The following TNR variants were observed in gnomAD, a reference collection of about 807,000 sequenced individuals.
TNR encodes the protein tenascin-R.
TNR carries 45 observed loss-of-function variants against 150.4 expected under a neutral mutation model. That is an observed-to-expected ratio of 0.30 (90% CI 0.24 to 0.38). The LOEUF (loss-of-function observed/expected upper bound fraction) is 0.38, where lower values mean the gene tolerates loss of function less well. TNR is among the 10% of genes least tolerant of loss of function. TNR has a pLI of 1.00. For synonymous variants in TNR, 687 were observed against 678.4 expected, an observed-to-expected ratio of 1.01 and a Z score of -0.20; for missense variants, 1,544 against 1,759.1, an observed-to-expected ratio of 0.88 and a Z score of 2.19.
chr1:175,339,533 C>T (rs1650416191), intron 18 of TNR, among the ~76,000 whole-genome samples: 1 of 152,174 alleles, frequency 6.6e-6, no homozygotes, highest in Admixed American at 6.5e-5. Context: ...GATTTGGGAG[C>T]ACTGCTATTA....
At chr1:175,634,009 G>T (rs1558047096) in intron 1 of TNR, among the ~76,000 whole-genome samples, 1 of 79,756 alleles carries the variant, frequency 1.3e-5, no homozygotes, top group Non-Finnish European at 2.3e-5. Context: ...TGATGATGAT[G>T]ATGACGATGA....
chr1:175,730,172 G>A (rs1050476721), intron 1 of TNR, among the ~76,000 whole-genome samples: 3 of 152,044 alleles, frequency 2.0e-5, no homozygotes, highest in African/African-American at 7.3e-5. Flanking sequence ...CACGTTTCTC[G>A]GTTACCTTCC....
At chr1:175,446,910 A>C (rs1328437061) in intron 2 of TNR, among the ~76,000 whole-genome samples, 2 of 152,184 alleles carry the variant, frequency 1.3e-5, no homozygotes, top group Non-Finnish European at 2.9e-5. Flanking sequence ...TGTAATGGGC[A>C]TGCATGTATG....
chr1:175,686,854 T>A (rs1011692992), intron 1 of TNR, among the ~76,000 whole-genome samples: 1 of 152,214 alleles, frequency 6.6e-6, no homozygotes, highest in South Asian at 2.1e-4. Flanking sequence ...TATTCCATGG[T>A]GTACATGTCC....
At chr1:175,383,875 T>C (rs1429614561) in intron 8 of TNR, among the ~76,000 whole-genome samples, 1 of 152,140 alleles carries the variant, frequency 6.6e-6, no homozygotes, top group Non-Finnish European at 1.5e-5. Flanking sequence ...GAGGGGAGCA[T>C]ATTTGAGGTG....
At chr1:175,543,224 G>C (rs558881127) in intron 1 of TNR, among the ~76,000 whole-genome samples, 1 of 152,142 alleles carries the variant, frequency 6.6e-6, no homozygotes, top group Non-Finnish European at 1.5e-5. Flanking sequence ...TCCCAGGGGG[G>C]AGCAGAAAAG....
intron 1 of TNR, among the ~76,000 whole-genome samples, chr1:175,594,883 G>A (rs1662947339): frequency 7.0e-6 from 1 of 143,758 alleles, no homozygotes; most frequent in Admixed American, 6.9e-5. Flanking sequence ...AAAAATTATT[G>A]GCTGGGCATG....
intron 1 of TNR, among the ~76,000 whole-genome samples, chr1:175,546,275 C>A (rs1355597716): frequency 1.3e-5 from 2 of 152,078 alleles, no homozygotes; most frequent in African/African-American, 4.8e-5. Context: ...AATGAGTTAC[C>A]CAGGGTAATG....
At chr1:175,556,969 C>T (rs147335417) in intron 1 of TNR, among the ~76,000 whole-genome samples, 1 of 152,244 alleles carries the variant, frequency 6.6e-6, no homozygotes, top group African/African-American at 2.4e-5. Context: ...TGGCAGACTC[C>T]CTCCCTTGAT....
At chr1:175,639,265 T>C (rs777668920) in intron 1 of TNR, among the ~76,000 whole-genome samples, 4 of 152,198 alleles carry the variant, frequency 2.6e-5, no homozygotes, top group Non-Finnish European at 5.9e-5. Context: ...GTCTGAGCAA[T>C]GTAGAAGGGA....
chr1:175,344,178 T>A (rs10798388), intron 18 of TNR, among the ~76,000 whole-genome samples: 73,542 of 152,038 alleles, frequency 0.48, 19,818 homozygotes, highest in East Asian at 0.77. Flanking sequence ...TGTGGCTAAC[T>A]AAAGGCTGGG....
chr1:175,520,613 G>A (rs1659598808), intron 2 of TNR, among the ~76,000 whole-genome samples: 1 of 152,090 alleles, frequency 6.6e-6, no homozygotes, highest in African/African-American at 2.4e-5. Context: ...GCTGCTCCAG[G>A]CCACATAGCC....
intron 1 of TNR, among the ~76,000 whole-genome samples, chr1:175,706,249 C>A (rs965898102): frequency 6.6e-6 from 1 of 152,110 alleles, no homozygotes; most frequent in African/African-American, 2.4e-5. Flanking sequence ...AAATTAAGCA[C>A]CAAATATCAG....
At chr1:175,488,102 G>A (rs769755911) in intron 2 of TNR, among the ~76,000 whole-genome samples, 3 of 152,204 alleles carry the variant, frequency 2.0e-5, no homozygotes, top group Non-Finnish European at 4.4e-5. Context: ...AAACTGTGAG[G>A]TAGGGTGCAA....
chr1:175,596,844 A>G (rs1412739576), intron 1 of TNR, among the ~76,000 whole-genome samples: 1 of 152,190 alleles, frequency 6.6e-6, no homozygotes, highest in East Asian at 1.9e-4. Context: ...GTAAGCAGAC[A>G]AAGTGTGCTT....
chr1:175,368,755 G>C (rs1283891453), intron 9 of TNR, among the ~76,000 whole-genome samples: 1 of 152,160 alleles, frequency 6.6e-6, no homozygotes, highest in Non-Finnish European at 1.5e-5. Flanking sequence ...TTCGAGACCA[G>C]CCTGACCAAT....
intron 5 of TNR, among the ~76,000 whole-genome samples, chr1:175,395,860 T>C (rs1653401581): frequency 6.6e-6 from 1 of 152,174 alleles, no homozygotes. Flanking sequence ...AAAATATAGG[T>C]ACACACCCAC....
At position 175,320,128 on chromosome 1, in the gene TNR, G is replaced by C. The variant is rs894305378; in HGVS notation, c.*3229C>G. 5 of 152,412 alleles carry C rather than the reference G, an allele frequency of 3.3e-5. No individual in the cohort carries two copies. The highest frequency in any genetic ancestry group is 1.3e-4 in the Admixed American group (2 of 15,298). The allele number at this position is 152,412 out of a possible 1,614,324, so 9.4% of individuals were successfully genotyped here. On this transcript the variant is annotated 3_prime_UTR_variant, in exon 23 of 23. Coordinates refer to ENST00000367674, the MANE Select transcript of TNR (RefSeq NM_003285.3). ...CTGTAGTTAAACAGCCTCTGAGAAGGGTCTACCTCGATTCCTTTTGAGTCC... is the reference window on the plus strand; with the variant it reads ...CTGTAGTTAAACAGCCTCTGAGAAGCGTCTACCTCGATTCCTTTTGAGTCC...
At chr1:175,462,524 T>C (rs1272580133) in intron 2 of TNR, among the ~76,000 whole-genome samples, 1 of 152,216 alleles carries the variant, frequency 6.6e-6, no homozygotes, top group Non-Finnish European at 1.5e-5. Flanking sequence ...ATGCACAATT[T>C]AATAATATAC....
Sources: allele counts gnomAD v4.1 joint callset (sites outside exome capture counted in the v4.1 genomes callset), GRCh38; gene constraint gnomAD v4.1.1; transcripts MANE v1.5; gene names NCBI Gene and HGNC (gene_info 2026-07-23, HGNC 2026-07-21).